The following SLC7A14 variants were observed in gnomAD, a reference collection of about 807,000 sequenced individuals.
SLC7A14 encodes solute carrier family 7 member 14.
A neutral mutation model predicts 60.2 loss-of-function variants in SLC7A14; 37 were observed. The observed-to-expected ratio is 0.61, with a 90% CI of 0.47 to 0.81. The LOEUF (loss-of-function observed/expected upper bound fraction) is 0.81. SLC7A14 is among the 30% of genes least tolerant of loss of function. The probability of loss-of-function intolerance (pLI) is 0.00; values close to 1 mark genes in which losing one functional copy is unlikely to be tolerated. For synonymous variants in SLC7A14, 399 were observed against 395.8 expected, an observed-to-expected ratio of 1.01 and a Z score of -0.10; for missense variants, 886 against 982.7, an observed-to-expected ratio of 0.90 and a Z score of 1.32.
In SLC7A14 at chr3:170,480,526, C is replaced by G. The variant is rs1200569509; in HGVS notation, c.1756G>C (p.Gly586Arg). 6.2e-7 allele frequency: 1 copy of G among 1,614,132 alleles called. No homozygotes were observed. The highest frequency in any genetic ancestry group is 1.7e-5 in the Admixed American group (1 of 60,018). ...MFIFCSFIIF[G>R]SDYISEQSWW... ...CTCTGCTCTGAGATGTAGTCAGAAC[C>G]AAAGATGATGAAGGAGCAGAAGATG... The change falls in exon 7 of 8, where the codon GGT becomes CGT. Residue 586 changes from glycine to arginine, a missense_variant. Coordinates refer to ENST00000231706, the MANE Select transcript of SLC7A14 (RefSeq NM_020949.3).
Position 170,467,091 on chromosome 3 carries a change from C to T in SLC7A14, c.2280G>A (p.Leu760=), listed in dbSNP as rs1245212192. The change falls in exon 8 of 8, where the codon CTG becomes CTA. Residue 760 remains leucine, a synonymous_variant. Coordinates refer to ENST00000231706, the MANE Select transcript of SLC7A14 (RefSeq NM_020949.3). Reference sequence around the variant, plus strand: ...AGTAATCTAACTCATCATTTGCAATCAGGGCCTCTGAGTTCTGTTTGTGTT... The same window carrying T: ...AGTAATCTAACTCATCATTTGCAATTAGGGCCTCTGAGTTCTGTTTGTGTT... ...KSKHKQNSEA[L]IANDELDYSP... 1 of 1,613,238 alleles carries T rather than the reference C, an allele frequency of 6.2e-7. No homozygotes were observed. Among genetic ancestry groups the T allele is most frequent in the Non-Finnish European group, 8.5e-7 (1 of 1,179,700 alleles).
intron 2 of SLC7A14, among the ~76,000 whole-genome samples, chr3:170,505,443 A>C (rs1217249768): frequency 6.6e-6 from 1 of 152,122 alleles, no homozygotes; most frequent in East Asian, 1.9e-4. Flanking sequence ...TATCTTTCAC[A>C]CTCAGGACAT....
chr3:170,567,852 GGTT>G (rs1363291648), intron 1 of SLC7A14, among the ~76,000 whole-genome samples: 3 of 151,628 alleles, frequency 2.0e-5, no homozygotes, highest in Non-Finnish European at 4.4e-5. Flanking sequence ...TTTTTGATGG[GGTT>G]GTTTTTTTTT....
chr3:170,583,107 T>G (rs1262811607), intron 1 of SLC7A14, among the ~76,000 whole-genome samples: 1 of 152,192 alleles, frequency 6.6e-6, no homozygotes, highest in Non-Finnish European at 1.5e-5. Flanking sequence ...CTTTTCCCAG[T>G]CCCTATGAGA....
In SLC7A14 at chr3:170,498,647, G is replaced by C; in HGVS notation, c.759+20C>G. The C allele has an allele frequency of 6.2e-7, 1 of 1,611,904 alleles. No individual in the cohort carries two copies. The highest frequency in any genetic ancestry group is 8.5e-7 in the Non-Finnish European group (1 of 1,178,252). On this transcript the variant is annotated intron_variant, in intron 4 of 7. Transcript: ENST00000231706. ...GGCAGAGTGTGTGACAGGCACACCA[G>C]GTGTTTGGAACAAACTTACCCCTGA...
rs768274220 is a variant in SLC7A14 at position 170,463,293 on chromosome 3, T to C, written c.*3762A>G. 2 of 152,198 alleles carry C rather than the reference T, an allele frequency of 1.3e-5. No individual in the cohort carries two copies. The highest frequency in any genetic ancestry group is 4.8e-5 in the African/African-American group (2 of 41,454). The allele number at this position is 152,198 out of a possible 1,614,324, so 9.4% of individuals were successfully genotyped here. A position where few individuals can be genotyped will look rare whatever the true frequency, so the allele number is the denominator to read the frequency against. ...TCTTAGCCAGAGGACCACAAACTAG[T>C]AGACCTTATTCATGCCGATCCTTTG... On this transcript the variant is annotated 3_prime_UTR_variant, in exon 8 of 8. Transcript: ENST00000231706.
intron 4 of SLC7A14, among the ~76,000 whole-genome samples, chr3:170,497,087 CAAA>C (rs548290941): frequency 4.7e-3 from 441 of 94,282 alleles, no homozygotes; most frequent in Middle Eastern, 0.018. Flanking sequence ...TTATTTTGTC[CAAA>C]AAAAAAAAAA....
At chr3:170,527,256 C>T (rs572004336) in intron 1 of SLC7A14, among the ~76,000 whole-genome samples, 168 bp from the exon 2 acceptor site, 9 of 152,170 alleles carry the variant, frequency 5.9e-5, no homozygotes, top group Non-Finnish European at 1.2e-4. Context: ...TCTCTCCAGT[C>T]CTAAAGGACT....
At chr3:170,549,829 G>C (rs1204555960) in intron 1 of SLC7A14, among the ~76,000 whole-genome samples, 1 of 152,142 alleles carries the variant, frequency 6.6e-6, no homozygotes, top group Non-Finnish European at 1.5e-5. Context: ...AAACCATGGA[G>C]GCATGGGGAA....
chr3:170,486,169 C>T (rs1186858064), intron 5 of SLC7A14, 53 bp downstream of exon 5: 15 of 1,600,482 alleles, frequency 9.4e-6, no homozygotes, highest in Non-Finnish European at 1.3e-5. Flanking sequence ...GAGAAGGGAG[C>T]TCAGTGCCAG....
At chr3:170,512,654 ATTTTTTTTTT>A (rs71176570) in intron 2 of SLC7A14, among the ~76,000 whole-genome samples, 21 of 63,168 alleles carry the variant, frequency 3.3e-4, no homozygotes, top group Middle Eastern at 0.016. Flanking sequence ...TACAATTTGC[ATTTTTTTTTT>A]TTTTTTTTTT....
intron 1 of SLC7A14, among the ~76,000 whole-genome samples, chr3:170,534,020 C>T (rs1018778838): frequency 3.9e-5 from 6 of 152,172 alleles, no homozygotes; most frequent in South Asian, 2.1e-4. Context: ...AATAAGATTG[C>T]ACCAATTAAG....
chr3:170,518,380 G>T (rs1713237525), intron 2 of SLC7A14, among the ~76,000 whole-genome samples: 1 of 151,896 alleles, frequency 6.6e-6, no homozygotes, highest in Non-Finnish European at 1.5e-5. Flanking sequence ...TCTTTTCTTG[G>T]CTAGAAAGAG....
chr3:170,523,319 A>G (rs1713392759), intron 2 of SLC7A14, among the ~76,000 whole-genome samples: 1 of 152,190 alleles, frequency 6.6e-6, no homozygotes, highest in African/African-American at 2.4e-5. Flanking sequence ...TATTTCAAAC[A>G]TCCCACTCTT....
chr3:170,570,669 C>T (rs1033883186), intron 1 of SLC7A14, among the ~76,000 whole-genome samples: 7 of 152,188 alleles, frequency 4.6e-5, no homozygotes, highest in South Asian at 4.1e-4. Flanking sequence ...CTTCTCACTC[C>T]GAAGCCCGGA....
intron 1 of SLC7A14, among the ~76,000 whole-genome samples, chr3:170,574,944 A>T (rs1028790137): frequency 1.3e-5 from 2 of 152,214 alleles, no homozygotes; most frequent in African/African-American, 4.8e-5. Context: ...CATCAACTGA[A>T]TGGATTAGCT....
At chr3:170,507,887 C>T (rs1712832590) in intron 2 of SLC7A14, among the ~76,000 whole-genome samples, 1 of 152,178 alleles carries the variant, frequency 6.6e-6, no homozygotes, top group African/African-American at 2.4e-5. Context: ...CCCAAAGCCC[C>T]TCACCCTCCT....
At chr3:170,533,596 C>T (rs1481115248) in intron 1 of SLC7A14, among the ~76,000 whole-genome samples, 1 of 152,082 alleles carries the variant, frequency 6.6e-6, no homozygotes, top group Non-Finnish European at 1.5e-5. Flanking sequence ...TCATGGTTGA[C>T]ACTTTTGGAC....
At chr3:170,476,859 T>C (rs189623396) in intron 7 of SLC7A14, 79 of 152,372 alleles carry the variant, frequency 5.2e-4, no homozygotes, top group African/African-American at 1.9e-3. Flanking sequence ...AAGTTGGTGC[T>C]GTTTGACTCC....
Sources: allele counts gnomAD v4.1 joint callset (sites outside exome capture counted in the v4.1 genomes callset), GRCh38; gene constraint gnomAD v4.1.1; transcripts MANE v1.5; gene names NCBI Gene and HGNC (gene_info 2026-07-23, HGNC 2026-07-21).